Variants in ADAMTSL1 observed in about 807,000 individuals in gnomAD.
ADAMTSL1 encodes the protein ADAMTS like 1, also known as ADAMTS-like protein 1.
Under a neutral mutation model 201.8 loss-of-function variants are expected in ADAMTSL1, and 126 were observed. That is an observed-to-expected ratio of 0.62 (90% CI 0.54 to 0.72). ADAMTSL1 has a LOEUF of 0.72. Among genes scored for constraint, ADAMTSL1 ranks in the 30% least tolerant of loss-of-function variants. The probability of loss-of-function intolerance (pLI) is 0.00; values close to 1 mark genes in which losing one functional copy is unlikely to be tolerated. For missense variants in ADAMTSL1, 2,679 were observed against 2,277.8 expected (o/e 1.18, Z -3.59); for synonymous variants, 1,121 against 903.4 (o/e 1.24, Z -4.32).
At chr9:18,764,110 T>C (rs932613940) in intron 16 of ADAMTSL1, among the ~76,000 whole-genome samples, 1 of 152,200 alleles carries the variant, frequency 6.6e-6, no homozygotes, top group Non-Finnish European at 1.5e-5. Flanking sequence ...ACCATATTGA[T>C]CCTTCCAATC....
intron 2 of ADAMTSL1, among the ~76,000 whole-genome samples, chr9:18,286,087 T>C (rs1354335410): frequency 6.6e-6 from 1 of 152,184 alleles, no homozygotes; most frequent in Admixed American, 6.5e-5. Flanking sequence ...TGCTAAGTAC[T>C]GTTTAAATAA....
At chr9:18,630,373 C>G (rs924505790) in intron 5 of ADAMTSL1, among the ~76,000 whole-genome samples, 4 of 152,116 alleles carry the variant, frequency 2.6e-5, no homozygotes, top group African/African-American at 9.7e-5. Context: ...GGGTAATTTC[C>G]TCACACTTAT....
chr9:18,222,459 T>C (rs978843331), intron 2 of ADAMTSL1, among the ~76,000 whole-genome samples: 4 of 151,868 alleles, frequency 2.6e-5, no homozygotes, highest in Non-Finnish European at 5.9e-5. Context: ...CTAAGGTTAA[T>C]AAATATCTTT....
At chr9:18,637,277 T>C (rs895835950) in intron 6 of ADAMTSL1, among the ~76,000 whole-genome samples, 3 of 152,128 alleles carry the variant, frequency 2.0e-5, no homozygotes, top group Non-Finnish European at 4.4e-5. Context: ...ACTCAAATGA[T>C]TCATTTTTCC....
At chr9:17,979,526 A>ATTTTTTT (rs35573329) in intron 1 of ADAMTSL1, among the ~76,000 whole-genome samples, 1 of 146,352 alleles carries the variant, frequency 6.8e-6, no homozygotes, top group African/African-American at 2.5e-5. Context: ...TCAGCCATGG[A>ATTTTTTT]TTTTTTTTTT....
chr9:18,141,425 AACACAGAG>A (rs1431103837), intron 1 of ADAMTSL1, among the ~76,000 whole-genome samples: 47 of 152,304 alleles, frequency 3.1e-4, no homozygotes, highest in Non-Finnish European at 6.3e-4. Flanking sequence ...GCTTTTCTAG[AACACAGAG>A]TCACAGGGCC....
chr9:18,051,536 C>T (rs10963416), intron 1 of ADAMTSL1, among the ~76,000 whole-genome samples: 1 of 150,290 alleles, frequency 6.7e-6, no homozygotes, highest in African/African-American at 2.5e-5. Flanking sequence ...ATACAGACAA[C>T]TTTTTAAAAC....
At chr9:18,561,837 G>T (rs1017440147) in intron 3 of ADAMTSL1, among the ~76,000 whole-genome samples, 3 of 152,084 alleles carry the variant, frequency 2.0e-5, no homozygotes, top group African/African-American at 7.2e-5. Flanking sequence ...CAGAGACTAG[G>T]ATTGTACCCC....
At chr9:18,353,287 A>G (rs1188150873) in intron 2 of ADAMTSL1, among the ~76,000 whole-genome samples, 1 of 152,246 alleles carries the variant, frequency 6.6e-6, no homozygotes, top group Non-Finnish European at 1.5e-5. Flanking sequence ...ACTATGCACT[A>G]GACAGGGTTT....
At position 18,326,218 on chromosome 9, in the gene ADAMTSL1, A is replaced by G. The variant is rs572351276; in HGVS notation, c.207+162237A>G. 2.6e-5 allele frequency among the ~76,000 whole-genome samples: 4 copies of G among 152,346 alleles called. No homozygotes were observed. The East Asian group carries it at 7.7e-4, about 29-fold the overall frequency. On this transcript the variant is annotated intron_variant, in intron 2 of 29. Coordinates refer to the ADAMTSL1 transcript ENST00000680146. ...CAAACCATAGCAGCTGTGATGTACT[A>G]TAATAAGGCAAAACTTATCTATAGT...
intron 1 of ADAMTSL1, among the ~76,000 whole-genome samples, chr9:17,992,307 A>G (rs1012702915): frequency 2.0e-5 from 3 of 152,144 alleles, no homozygotes; most frequent in Non-Finnish European, 4.4e-5. Flanking sequence ...ATTACCTGCA[A>G]TTCTCATTTG....
At chr9:18,252,537 A>G (rs1375482424) in intron 2 of ADAMTSL1, among the ~76,000 whole-genome samples, 1 of 152,192 alleles carries the variant, frequency 6.6e-6, no homozygotes, top group Non-Finnish European at 1.5e-5. Context: ...AATACAATGT[A>G]AAGGCTATGT....
chr9:17,908,559 C>T (rs548264994), intron 1 of ADAMTSL1, among the ~76,000 whole-genome samples: 6 of 151,990 alleles, frequency 3.9e-5, no homozygotes, highest in Admixed American at 2.6e-4. Context: ...TGGGTTCAAG[C>T]GATTCTCCTG....
chr9:18,200,166 G>C (rs1410881206), intron 2 of ADAMTSL1, among the ~76,000 whole-genome samples: 1 of 151,980 alleles, frequency 6.6e-6, no homozygotes, highest in Non-Finnish European at 1.5e-5. Context: ...AGGCACAGTG[G>C]TTCAGACCTG....
At chr9:17,976,699 G>GCT (rs532750844) in intron 1 of ADAMTSL1, among the ~76,000 whole-genome samples, 16 of 146,898 alleles carry the variant, frequency 1.1e-4, no homozygotes, top group African/African-American at 3.3e-4. Context: ...TCTTGCTCTC[G>GCT]CTCTCTCTCT....
intron 2 of ADAMTSL1, among the ~76,000 whole-genome samples, chr9:18,276,627 C>A (rs1832598761): frequency 6.6e-6 from 1 of 152,204 alleles, no homozygotes; most frequent in African/African-American, 2.4e-5. Context: ...GCTGCCAGCA[C>A]CTGCTTCTGG....
chr9:18,180,817 C>T (rs957073158), intron 2 of ADAMTSL1, among the ~76,000 whole-genome samples: 4 of 152,066 alleles, frequency 2.6e-5, no homozygotes, highest in Admixed American at 6.5e-5. Flanking sequence ...AACAAGAGCC[C>T]GCATCGCCAA....
chr9:18,080,887 T>A (rs764192618), intron 1 of ADAMTSL1, among the ~76,000 whole-genome samples: 1 of 152,214 alleles, frequency 6.6e-6, no homozygotes, highest in Non-Finnish European at 1.5e-5. Flanking sequence ...AAGCCTCTCA[T>A]TATTTTAATG....
intron 1 of ADAMTSL1, among the ~76,000 whole-genome samples, chr9:17,941,232 A>T (rs1287817684): frequency 6.6e-6 from 1 of 152,140 alleles, no homozygotes; most frequent in East Asian, 1.9e-4. Flanking sequence ...TGTCTTGAAA[A>T]TCTTCCCATT....
Sources: allele counts gnomAD v4.1 joint callset (sites outside exome capture counted in the v4.1 genomes callset), GRCh38; gene constraint gnomAD v4.1.1; transcripts MANE v1.5; gene names NCBI Gene and HGNC (gene_info 2026-07-23, HGNC 2026-07-21).